Variants in PALM observed in about 807,000 individuals in gnomAD.
PALM encodes paralemmin-1.
PALM carries 18 observed loss-of-function variants against 30.7 expected under a neutral mutation model. The observed-to-expected ratio is 0.59, with a 90% CI of 0.41 to 0.87. PALM has a LOEUF of 0.87. PALM is among the 40% of genes least tolerant of loss of function. The pLI, the probability that PALM is intolerant of heterozygous loss-of-function variation, is 0.00. For missense variants in PALM, 529 were observed against 555.4 expected (o/e 0.95, Z 0.48); for synonymous variants, 286 against 242.8 (o/e 1.18, Z -1.66).
rs2033366628 is a variant in PALM at position 746,932 on chromosome 19, T to C, written c.*118T>C. ...CACGGGTCCAGGACTTGGCGTGTTGTTACATGTTCCTTCCGAGTTTTCTTT... is the reference window on the plus strand; with the variant it reads ...CACGGGTCCAGGACTTGGCGTGTTGCTACATGTTCCTTCCGAGTTTTCTTT... On this transcript the variant is annotated 3_prime_UTR_variant, in exon 9 of 9. Transcript: ENST00000338448. The surrounding 1 kb of genome is among the most constrained non-coding windows in gnomAD (Gnocchi z 7.1). 1 of 657,518 alleles carries C rather than the reference T, an allele frequency of 1.5e-6. No homozygotes were observed. Among genetic ancestry groups the C allele is most frequent in the Non-Finnish European group, 2.6e-6 (1 of 390,330 alleles). The allele number at this position is 657,518 out of a possible 1,614,324, so 40.7% of individuals were successfully genotyped here. A position where few individuals can be genotyped will look rare whatever the true frequency, so the allele number is the denominator to read the frequency against.
chr19:716,076 G>C (rs2032245631), intron 1 of PALM, among the ~76,000 whole-genome samples: 2 of 152,132 alleles, frequency 1.3e-5, no homozygotes, highest in Non-Finnish European at 2.9e-5. Flanking sequence ...AGCCTGGACT[G>C]GGTGGGAAGA....
intron 7 of PALM, 195 bp downstream of exon 7, chr19:736,273 G>T: frequency 1.9e-6 from 1 of 529,154 alleles, no homozygotes; most frequent in Non-Finnish European, 3.3e-6. Context: ...CTGCTTTGTT[G>T]CCCTGGTCCC....
At chr19:728,249 C>T (rs779698389) in intron 4 of PALM, among the ~76,000 whole-genome samples, 23 of 152,248 alleles carry the variant, frequency 1.5e-4, no homozygotes, top group South Asian at 4.1e-4. Context: ...CTGGAGTTTC[C>T]GGCGGGCGGG....
intron 1 of PALM, among the ~76,000 whole-genome samples, chr19:712,669 C>T (rs187723664): frequency 2.0e-5 from 3 of 147,376 alleles, no homozygotes; most frequent in African/African-American, 4.9e-5. Context: ...AGGTGTGAGC[C>T]GCCATGCCTG....
rs2031999139 is a variant in PALM, at chr19:709,527, C to T, written c.5+376C>T. 6.6e-6 allele frequency among the ~76,000 whole-genome samples: 1 copy of T among 152,088 alleles called. No individual in the cohort carries two copies. Among genetic ancestry groups the T allele is most frequent in the African/African-American group, 2.4e-5 (1 of 41,442 alleles). ...TGGCCCCGGGGAGATGGAGCGACCC[C>T]TCCCCAGATTGCACCGGTCCGGCCT... On this transcript the variant is annotated intron_variant, in intron 1 of 8. Coordinates refer to ENST00000338448, the MANE Select transcript of PALM (RefSeq NM_002579.3). This position sits in a 1 kb window ranked among gnomAD's most constrained non-coding sequence, Gnocchi z 4.3.
intron 1 of PALM, among the ~76,000 whole-genome samples, chr19:714,731 C>T (rs1355725121): frequency 1.3e-5 from 2 of 152,006 alleles, no homozygotes; most frequent in Non-Finnish European, 2.9e-5. Flanking sequence ...CTCACTGCAG[C>T]CTCCACGCCC....
At chr19:744,134 C>T (rs1971636) in intron 8 of PALM, among the ~76,000 whole-genome samples, 48,248 of 151,982 alleles carry the variant, frequency 0.32, 8,544 homozygotes, top group Middle Eastern at 0.43. Context: ...GGCATGGTGG[C>T]TCACGCCTGT....
chr19:718,168 G>A (rs2032330398), intron 1 of PALM, among the ~76,000 whole-genome samples: 1 of 152,022 alleles, frequency 6.6e-6, no homozygotes, highest in Non-Finnish European at 1.5e-5. Context: ...GGCAACAGAG[G>A]GAGACTCCAT....
chr19:727,748 G>A, intron 4 of PALM, 54 bp downstream of exon 4: 1 of 1,481,614 alleles, frequency 6.7e-7, no homozygotes, highest in Non-Finnish European at 9.1e-7. Context: ...GGGGGCCGCT[G>A]GCTCCCGGGA....
intron 1 of PALM, chr19:719,683 C>G (rs577852501): frequency 5.3e-6 from 5 of 938,380 alleles, no homozygotes; most frequent in Non-Finnish European, 6.4e-6. Context: ...ATCCGACCTC[C>G]GCTTCCTTCC....
chr19:722,004 C>T lies in PALM; in HGVS notation c.6-4134C>T, dbSNP rs948550951. Reference sequence around the variant, plus strand: ...CGCAATCTCGGCTCACTGCAAGCTCCGCCTTCCGGGTTCACGCCATTCTCC... The same window carrying T: ...CGCAATCTCGGCTCACTGCAAGCTCTGCCTTCCGGGTTCACGCCATTCTCC... On this transcript the variant is annotated intron_variant, in intron 1 of 8. Transcript: ENST00000338448. 5.9e-5 allele frequency among the ~76,000 whole-genome samples: 9 copies of T among 151,852 alleles called. No homozygotes were observed. In the East Asian group the frequency reaches 1.2e-3, roughly 20 times the overall value.
chr19:730,394 G>A (rs1476047258), intron 4 of PALM, among the ~76,000 whole-genome samples: 1 of 152,172 alleles, frequency 6.6e-6, no homozygotes, highest in African/African-American at 2.4e-5. Context: ...TTCATATCCC[G>A]GTTTTGTTTT....
At chr19:737,007 C>T (rs1188861057) in intron 7 of PALM, among the ~76,000 whole-genome samples, 2 of 152,198 alleles carry the variant, frequency 1.3e-5, no homozygotes, top group African/African-American at 4.8e-5. Context: ...GAGCCAAGGT[C>T]GTGCCACTGC....
intron 1 of PALM, among the ~76,000 whole-genome samples, chr19:725,125 C>T (rs2144874716): frequency 6.6e-6 from 1 of 150,926 alleles, no homozygotes; most frequent in South Asian, 2.1e-4. Flanking sequence ...AAGGTTTTGC[C>T]ATGTTGGCCA....
intron 3 of PALM, 103 bp from the exon 4 acceptor site, chr19:727,461 C>A: frequency 2.2e-6 from 2 of 922,822 alleles, no homozygotes; most frequent in Non-Finnish European, 1.7e-6. Flanking sequence ...CAACCTTGGT[C>A]CTGCCTCAAC....
intron 1 of PALM, among the ~76,000 whole-genome samples, chr19:715,074 G>A (rs967718079): frequency 2.0e-5 from 3 of 152,170 alleles, no homozygotes; most frequent in Non-Finnish European, 4.4e-5. Context: ...GACCAGCCTG[G>A]CCAACATAGT....
In PALM at chr19:727,027, C is replaced by T. The variant is rs200597947; in HGVS notation, c.77C>T (p.Ala26Val). ...QAIAEKRKRQAEIENKRRQLE... is the reference protein window; with the variant it reads ...QAIAEKRKRQVEIENKRRQLE... The stretch of plus-strand genomic sequence containing the variant: ...CCACAGGAGAAGCGGAAGCGGCAGG[C>T]GGAGATCGAGAACAAGCGCCGGCAG... Residue 26 changes from alanine (A) to valine (V), a missense_variant, in exon 3 of 9, where the codon GCG becomes GTG. Coordinates refer to ENST00000338448, the MANE Select transcript of PALM (RefSeq NM_002579.3). 42 of 1,326,970 alleles carry T rather than the reference C, an allele frequency of 3.2e-5. No homozygotes were observed. The highest frequency in any genetic ancestry group is 4.1e-5 in the Non-Finnish European group (40 of 975,958). 82.2% of individuals were successfully genotyped at this position (1,326,970 alleles called of 1,614,324 possible).
chr19:716,733 C>T (rs187173406), intron 1 of PALM, among the ~76,000 whole-genome samples: 175 of 152,274 alleles, frequency 1.1e-3, no homozygotes, highest in African/African-American at 3.8e-3. Context: ...TTGGGAAGGA[C>T]CCCAGCCCCT....
chr19:746,029 G>A lies in PALM; in HGVS notation c.635-256G>A, dbSNP rs766640168. 6.6e-6 allele frequency among the ~76,000 whole-genome samples: 1 copy of A among 152,212 alleles called. No individual in the cohort carries two copies. Among genetic ancestry groups the A allele is most frequent in the Non-Finnish European group, 1.5e-5 (1 of 68,040 alleles). ...GCTGAGATCACGCCATTGCACTCCA[G>A]CCTGGGCGACAGAGTGAGACTCCGT... On this transcript the variant is annotated intron_variant, in intron 8 of 8. Transcript: ENST00000338448. The surrounding 1 kb of genome is among the most constrained non-coding windows in gnomAD (Gnocchi z 7.1).
Sources: allele counts gnomAD v4.1 joint callset (sites outside exome capture counted in the v4.1 genomes callset), GRCh38; gene constraint gnomAD v4.1.1; non-coding constraint Gnocchi (gnomAD v3.1); transcripts MANE v1.5; gene names NCBI Gene and HGNC (gene_info 2026-07-23, HGNC 2026-07-21).